Variants in WWOX observed in about 807,000 individuals in gnomAD.
The protein encoded by WWOX is WW domain containing oxidoreductase.
A neutral mutation model predicts 46.2 loss-of-function variants in WWOX; 69 were observed. That is an observed-to-expected ratio of 1.49 (90% CI 1.23 to 1.82). WWOX has a LOEUF of 1.82. Ranked by LOEUF, WWOX falls within the 40% of genes most tolerant of loss-of-function variation. WWOX has a pLI of 0.00. For missense variants in WWOX, 919 were observed against 542.6 expected (o/e 1.69, Z -6.89); for synonymous variants, 359 against 202.6 (o/e 1.77, Z -6.56).
chr16:78,938,604 G>C (rs1453271028), intron 8 of WWOX, among the ~76,000 whole-genome samples: 1 of 152,122 alleles, frequency 6.6e-6, no homozygotes, highest in Non-Finnish European at 1.5e-5. Flanking sequence ...GGGCATTTTA[G>C]TTTATTCATT....
chr16:78,813,260 T>C (rs1297755034), intron 8 of WWOX, among the ~76,000 whole-genome samples: 3 of 152,166 alleles, frequency 2.0e-5, no homozygotes, highest in Non-Finnish European at 4.4e-5. Flanking sequence ...GTATTTTTCA[T>C]TTAATTTTTT....
chr16:78,885,525 C>G (rs559746619), intron 8 of WWOX, among the ~76,000 whole-genome samples: 3 of 152,276 alleles, frequency 2.0e-5, no homozygotes, highest in African/African-American at 7.2e-5. Flanking sequence ...CCCAGTGAAA[C>G]TAATTATGGG....
chr16:78,571,293 C>G (rs1437542795), intron 8 of WWOX, among the ~76,000 whole-genome samples: 1 of 152,028 alleles, frequency 6.6e-6, no homozygotes, highest in East Asian at 1.9e-4. Context: ...ATGACTTGCC[C>G]AAGGTCATAC....
chr16:78,174,159 C>T (rs1199310738), intron 5 of WWOX, among the ~76,000 whole-genome samples: 1 of 152,112 alleles, frequency 6.6e-6, no homozygotes, highest in Non-Finnish European at 1.5e-5. Flanking sequence ...AAAGACACAC[C>T]CACGACTGGG....
At chr16:78,374,101 G>C (rs1322809441) in intron 5 of WWOX, among the ~76,000 whole-genome samples, 1 of 152,144 alleles carries the variant, frequency 6.6e-6, no homozygotes, top group South Asian at 2.1e-4. Context: ...GGCATATTTT[G>C]GAATTGATAG....
At chr16:78,542,603 G>C (rs547693458) in intron 8 of WWOX, among the ~76,000 whole-genome samples, 7 of 150,428 alleles carry the variant, frequency 4.7e-5, no homozygotes, top group African/African-American at 1.7e-4. Flanking sequence ...GGTTCCTACC[G>C]CACAGATCCA....
chr16:78,527,500 G>T (rs1422174232), intron 8 of WWOX, among the ~76,000 whole-genome samples: 1 of 151,972 alleles, frequency 6.6e-6, no homozygotes, highest in Non-Finnish European at 1.5e-5. Context: ...CGCCATGTTG[G>T]CCAGGCTGGT....
intron 5 of WWOX, among the ~76,000 whole-genome samples, chr16:78,294,101 C>T (rs2079904059): frequency 6.6e-6 from 1 of 151,878 alleles, no homozygotes; most frequent in Non-Finnish European, 1.5e-5. Context: ...GCCTTCTGCC[C>T]ATTTGTCCTC....
intron 8 of WWOX, among the ~76,000 whole-genome samples, chr16:78,797,445 T>G (rs1258998262): frequency 6.7e-6 from 1 of 148,664 alleles, no homozygotes; most frequent in Non-Finnish European, 1.5e-5. Context: ...CCCAAATGCC[T>G]AAAGTAGACC....
At chr16:78,381,724 G>A (rs1250118983) in intron 5 of WWOX, among the ~76,000 whole-genome samples, 2 of 152,178 alleles carry the variant, frequency 1.3e-5, no homozygotes, top group African/African-American at 2.4e-5. Flanking sequence ...ACCTCTTTTG[G>A]TTAAACAAGC....
chr16:78,321,292 G>GCA (rs1491466195), intron 5 of WWOX, among the ~76,000 whole-genome samples: 7 of 68,838 alleles, frequency 1.0e-4, no homozygotes, highest in Admixed American at 8.4e-4. Context: ...ATATATATAC[G>GCA]TATATATATA....
intron 8 of WWOX, among the ~76,000 whole-genome samples, chr16:78,670,868 G>C (rs942227990): frequency 2.0e-5 from 3 of 151,946 alleles, no homozygotes; most frequent in South Asian, 2.1e-4. Context: ...GAATGTGATC[G>C]TACTGGTTTA....
intron 8 of WWOX, among the ~76,000 whole-genome samples, chr16:78,988,080 C>T (rs971029492): frequency 7.2e-5 from 11 of 151,816 alleles, no homozygotes; most frequent in South Asian, 6.2e-4. Context: ...CTGTGGGTCA[C>T]GCCTGTAATA....
At chr16:78,665,845 C>T (rs1032915546) in intron 8 of WWOX, among the ~76,000 whole-genome samples, 8 of 152,094 alleles carry the variant, frequency 5.3e-5, no homozygotes, top group Non-Finnish European at 1.0e-4. Context: ...CCACCATGCC[C>T]GGCTAATTTT....
intron 8 of WWOX, among the ~76,000 whole-genome samples, chr16:78,832,017 C>G (rs2051841233): frequency 1.3e-5 from 2 of 152,182 alleles, no homozygotes; most frequent in South Asian, 4.1e-4. Flanking sequence ...CAACAGTTAT[C>G]CATTGCTGCC....
chr16:78,410,330 C>G (rs1450770128), intron 6 of WWOX, among the ~76,000 whole-genome samples: 1 of 152,208 alleles, frequency 6.6e-6, no homozygotes, highest in African/African-American at 2.4e-5. Flanking sequence ...AGGTCTTACC[C>G]TTGATCACGG....
At chr16:78,101,160 G>T (rs2031752956) in intron 1 of WWOX, among the ~76,000 whole-genome samples, 7 of 151,188 alleles carry the variant, frequency 4.6e-5, no homozygotes. Flanking sequence ...CCATTCTCCT[G>T]CCTCAGCCTC....
intron 8 of WWOX, among the ~76,000 whole-genome samples, chr16:79,173,335 T>A (rs530056511): frequency 3.2e-4 from 49 of 152,148 alleles, no homozygotes; most frequent in Non-Finnish European, 6.3e-4. Context: ...ACACTTTGTA[T>A]GTTTGGGGTA....
At chr16:78,621,544 A>G (rs941178694) in intron 8 of WWOX, among the ~76,000 whole-genome samples, 2 of 146,540 alleles carry the variant, frequency 1.4e-5, no homozygotes, top group Non-Finnish European at 3.0e-5. Flanking sequence ...TTTATTGGCC[A>G]GTATATTCAA....
Sources: gnomAD v4.1 joint callset for allele counts (sites outside exome capture counted in the v4.1 genomes callset) on GRCh38, gnomAD v4.1.1 for gene constraint, MANE v1.5 for transcripts, NCBI Gene and HGNC (gene_info 2026-07-23, HGNC 2026-07-21) for gene names.